PDE1B: variants seen among roughly 807,000 people sequenced by gnomAD.
PDE1B encodes phosphodiesterase 1B.
In PDE1B, 13 loss-of-function variants were observed where a neutral mutation model predicts 66.7. The observed-to-expected ratio is 0.19, with a 90% CI of 0.13 to 0.31. The LOEUF (loss-of-function observed/expected upper bound fraction) is 0.31, where lower values mean the gene tolerates loss of function less well. PDE1B is among the 10% of genes least tolerant of loss of function. The pLI is 1.00. For synonymous variants in PDE1B, 230 were observed against 253.9 expected (o/e 0.91, Z 0.90); for missense variants, 485 against 682.3 (o/e 0.71, Z 3.22).
chr12:54,570,241 A>T lies in PDE1B; in HGVS notation c.478A>T (p.Asn160Tyr). The T allele has an allele frequency of 6.3e-7, 1 of 1,590,380 alleles. No homozygotes were observed. The highest frequency in any genetic ancestry group is 8.6e-7 in the Non-Finnish European group (1 of 1,158,310). Residue 160 changes from asparagine (N) to tyrosine (Y), a missense_variant and splice_region_variant, in exon 6 of 16, where the codon AAC (asparagine) becomes TAC (tyrosine). Asn to Tyr is a moderately radical substitution (Grantham distance 143). Transcript: ENST00000243052. ...CACATAATCTATTGTTTCTCCATAG[A>T]ACCTGGATCTCTGGTGCTTTGATGT... ...YSTAVLNCLKNLDLWCFDVFS... is the reference protein window; with the variant it reads ...YSTAVLNCLKYLDLWCFDVFS...
At chr12:54,568,994 T>C in intron 3 of PDE1B, 190 bp from the exon 4 acceptor site, 2 of 955,674 alleles carry the variant, frequency 2.1e-6, no homozygotes, top group Non-Finnish European at 2.9e-6. Context: ...CTACCTCACA[T>C]GGAGACCTGT....
At chr12:54,574,905 ACAGAGGTTG>A in intron 10 of PDE1B, 184 bp from the exon 11 acceptor site, 1 of 437,240 alleles carries the variant, frequency 2.3e-6, no homozygotes, top group East Asian at 4.4e-5. Context: ...AACCCAGGTG[ACAGAGGTTG>A]CAGTGAGCTG....
Position 54,569,629 on chromosome 12 carries a change from T to C in PDE1B, c.477+17T>C. 2 of 1,592,446 alleles carry C rather than the reference T, an allele frequency of 1.3e-6. No individual in the cohort carries two copies. Among genetic ancestry groups the C allele is most frequent in the Non-Finnish European group, 1.7e-6 (2 of 1,160,394 alleles). On this transcript the variant is annotated intron_variant, in intron 5 of 15. Transcript: ENST00000243052. The surrounding 1 kb of genome is among the most constrained non-coding windows in gnomAD (Gnocchi z 4.4). Reference sequence around the variant, plus strand: ...TGTCTCAAGGTAATCTCTGGGTTTTTGGGAAAGAGGAGAAAGTTAGGGGAT... The same window carrying C: ...TGTCTCAAGGTAATCTCTGGGTTTTCGGGAAAGAGGAGAAAGTTAGGGGAT...
Position 54,549,848 on chromosome 12 carries a change from T to C in PDE1B, c.-13-12T>C. 6.3e-7 allele frequency: 1 copy of C among 1,578,192 alleles called. No individual in the cohort carries two copies. Among genetic ancestry groups the C allele is most frequent in the Non-Finnish European group, 8.7e-7 (1 of 1,148,316 alleles). On this transcript the variant is annotated splice_polypyrimidine_tract_variant and intron_variant, in intron 1 of 15. Coordinates refer to ENST00000243052, the MANE Select transcript of PDE1B (RefSeq NM_000924.4). ...CTGAGCCGAGGTGCTGTCTCCTCCT[T>C]CTGTTCCGTAGACCGTGGCTGAGCA...
At chr12:54,564,978 T>C (rs919160770) in intron 2 of PDE1B, among the ~76,000 whole-genome samples, 1 of 152,200 alleles carries the variant, frequency 6.6e-6, no homozygotes, top group Non-Finnish European at 1.5e-5. Flanking sequence ...CCCTTCTTCA[T>C]AGGCCCATTG....
rs572938071 is a variant in PDE1B, at chr12:54,566,874, A to T, written c.114-100A>T. ...TAGAATGATTAACTATTTACAAAAG[A>T]CTGAGGATGTTTCTGTAAAATGTAC... On this transcript the variant is annotated intron_variant, in intron 2 of 15. Coordinates refer to ENST00000243052, the MANE Select transcript of PDE1B (RefSeq NM_000924.4). 1.1e-5 allele frequency: 6 copies of T among 545,378 alleles called. No individual in the cohort carries two copies. The South Asian group carries it at 1.5e-4, about 14-fold the overall frequency. 33.8% of individuals were successfully genotyped at this position (545,378 alleles called of 1,614,324 possible).
In PDE1B at chr12:54,549,718, G is replaced by A; in HGVS notation, c.-68G>A. The A allele has an allele frequency of 1.9e-6, 1 of 533,070 alleles. No homozygotes were observed. 33.0% of individuals were successfully genotyped at this position (533,070 alleles called of 1,614,324 possible). A position where few individuals can be genotyped will look rare whatever the true frequency, so the allele number is the denominator to read the frequency against. ...GAGGAGCCGCAGGAGCTGCAGCTCT[G>A]CCAGCTTGGGCCGAGCCTAGAGACA... is the stretch of plus-strand genomic sequence containing the variant. On this transcript the variant is annotated 5_prime_UTR_variant, in exon 1 of 16. Coordinates refer to ENST00000243052, the MANE Select transcript of PDE1B (RefSeq NM_000924.4).
Position 54,549,959 on chromosome 12 carries a change from G to A in PDE1B, c.87G>A (p.Lys29=). 3 of 1,614,182 alleles carry A rather than the reference G, an allele frequency of 1.9e-6. No individual in the cohort carries two copies. The highest frequency in any genetic ancestry group is 2.5e-6 in the Non-Finnish European group (3 of 1,180,008). ...TGGAGCTGAAGTCAGCCCCCAGCAA[G>A]AAGATGTGGATTAAGCTTCGGTCTC... ...SPLELKSAPS[K]KMWIKLRSLL... The change falls in exon 2 of 16, where the codon AAG becomes AAA. Residue 29 remains lysine (K), a synonymous_variant. Coordinates refer to ENST00000243052, the MANE Select transcript of PDE1B (RefSeq NM_000924.4).
chr12:54,554,358 G>T (rs1226832928), intron 2 of PDE1B: 2 of 152,210 alleles, frequency 1.3e-5, no homozygotes, highest in Non-Finnish European at 2.9e-5. Flanking sequence ...AAAAAGGAGT[G>T]TCATTTTTCT....
Position 54,575,663 on chromosome 12 carries a change from A to T in PDE1B, c.1267+31A>T. The T allele has an allele frequency of 6.8e-7, 1 of 1,463,842 alleles. No individual in the cohort carries two copies. Among genetic ancestry groups the T allele is most frequent in the Non-Finnish European group, 9.5e-7 (1 of 1,047,492 alleles). The allele number at this position is 1,463,842 out of a possible 1,614,324, so 90.7% of individuals were successfully genotyped here. A position where few individuals can be genotyped will look rare whatever the true frequency, so the allele number is the denominator to read the frequency against. On this transcript the variant is annotated intron_variant, in intron 12 of 15. Transcript: ENST00000243052. This position sits in a 1 kb window ranked among gnomAD's most constrained non-coding sequence, Gnocchi z 4.0. ...TGTCCTCTCCTGCAGGAAGGGGAGGACTGGGAGGGGGAAAAGATGCTGCCT... is the reference window on the plus strand; with the variant it reads ...TGTCCTCTCCTGCAGGAAGGGGAGGTCTGGGAGGGGGAAAAGATGCTGCCT...
chr12:54,563,887 C>T (rs1957466776), intron 2 of PDE1B, among the ~76,000 whole-genome samples: 1 of 152,042 alleles, frequency 6.6e-6, no homozygotes, highest in South Asian at 2.1e-4. Flanking sequence ...TGGCTCACAC[C>T]TGTAATGCTA....
chr12:54,576,814 T>C, intron 14 of PDE1B, 113 bp downstream of exon 14: 2 of 1,146,332 alleles, frequency 1.7e-6, no homozygotes, highest in Non-Finnish European at 2.5e-6. Context: ...ACTCCTTGAT[T>C]TGGGAGTGGA....
chr12:54,563,942 C>T (rs1419647951), intron 2 of PDE1B, among the ~76,000 whole-genome samples: 2 of 152,002 alleles, frequency 1.3e-5, no homozygotes, highest in Admixed American at 6.5e-5. Context: ...AGCCCAGGAG[C>T]TTGAGGTTAC....
At chr12:54,550,134 G>T (rs892985450) in intron 2 of PDE1B, 149 bp downstream of exon 2, 2 of 1,445,898 alleles carry the variant, frequency 1.4e-6, no homozygotes, top group East Asian at 5.0e-5. Flanking sequence ...CCTGACACGC[G>T]TGGCCAGGCC....
At chr12:54,565,634 G>A (rs1349806714) in intron 2 of PDE1B, among the ~76,000 whole-genome samples, 2 of 152,180 alleles carry the variant, frequency 1.3e-5, no homozygotes, top group Admixed American at 6.5e-5. Flanking sequence ...GCCAACCAAG[G>A]AGGCTGCAGT....
intron 2 of PDE1B, among the ~76,000 whole-genome samples, chr12:54,564,983 C>T (rs1402394897): frequency 1.3e-5 from 2 of 152,102 alleles, no homozygotes; most frequent in African/African-American, 2.4e-5. Flanking sequence ...CTTCATAGGC[C>T]CATTGTGAGG....
chr12:54,558,353 C>T (rs558068164), intron 2 of PDE1B, among the ~76,000 whole-genome samples: 71 of 152,172 alleles, frequency 4.7e-4, no homozygotes, highest in Non-Finnish European at 9.1e-4. Flanking sequence ...ATCCCACCCC[C>T]ACCCGTAGCT....
chr12:54,576,373 G>A (rs1245886338), intron 13 of PDE1B, 198 bp from the exon 14 acceptor site: 5 of 636,268 alleles, frequency 7.9e-6, no homozygotes, highest in Non-Finnish European at 1.4e-5. Context: ...CTTCTACCAG[G>A]AGGGAAGATG....
intron 2 of PDE1B, among the ~76,000 whole-genome samples, chr12:54,550,796 A>C (rs1957266639): frequency 6.6e-6 from 1 of 152,156 alleles, no homozygotes; most frequent in Admixed American, 6.5e-5. Context: ...GGGAGGAATA[A>C]ATGGGGGAAG....
Sources: allele counts gnomAD v4.1 joint callset (sites outside exome capture counted in the v4.1 genomes callset), GRCh38; gene constraint gnomAD v4.1.1; non-coding constraint Gnocchi (gnomAD v3.1); transcripts MANE v1.5; gene names NCBI Gene and HGNC (gene_info 2026-07-23, HGNC 2026-07-21).